The following ASB4 variants were observed in gnomAD, a reference collection of about 807,000 sequenced individuals.
ASB4 encodes ankyrin repeat and SOCS box containing 4.
In ASB4, 35 loss-of-function variants were observed where a neutral mutation model predicts 38.6. The observed-to-expected ratio is 0.91, with a 90% CI of 0.69 to 1.20. The LOEUF is 1.20. ASB4 is among the 50% of genes most tolerant of loss of function. The probability of loss-of-function intolerance (pLI) is 0.00; values close to 1 mark genes in which losing one functional copy is unlikely to be tolerated. For missense variants in ASB4, 557 were observed against 527.2 expected, an observed-to-expected ratio of 1.06 and a Z score of -0.55; for synonymous variants, 195 against 201.3, an observed-to-expected ratio of 0.97 and a Z score of 0.26.
At chr7:95,484,637 G>A (rs1207666697), upstream of ASB4, among the ~76,000 whole-genome samples, 3 of 152,106 alleles carry the variant, frequency 2.0e-5, no homozygotes, top group Non-Finnish European at 2.9e-5. Context: ...TAGTATCATT[G>A]TAAGTTTTTA....
chr7:95,550,126 T>C, the ASB4 span, among the ~76,000 whole-genome samples: 1 of 152,138 alleles, frequency 6.6e-6, no homozygotes, highest in Admixed American at 6.5e-5. Flanking sequence ...ACATCCAGGT[T>C]CCCTAAAAAT....
At chr7:95,504,473 G>A (rs1251703332) in intron 2 of ASB4, among the ~76,000 whole-genome samples, 4 of 152,170 alleles carry the variant, frequency 2.6e-5, no homozygotes, top group South Asian at 4.2e-4. Flanking sequence ...CCACCTCACC[G>A]CGTTCCATCT....
At chr7:95,489,401 G>A (rs1240118081) in intron 1 of ASB4, among the ~76,000 whole-genome samples, 2 of 152,186 alleles carry the variant, frequency 1.3e-5, no homozygotes, top group African/African-American at 4.8e-5. Flanking sequence ...CCAGCCTCCA[G>A]AGTTCATGTT....
At position 95,495,757 on chromosome 7, in the gene ASB4, G is replaced by A; in HGVS notation, c.188-1G>A. The A allele has an allele frequency of 6.6e-7, 1 of 1,511,366 alleles. No homozygotes were observed. Among genetic ancestry groups the A allele is most frequent in the Non-Finnish European group, 8.9e-7 (1 of 1,119,750 alleles). The allele number at this position is 1,511,366 out of a possible 1,614,324, so 93.6% of individuals were successfully genotyped here. A position where few individuals can be genotyped will look rare whatever the true frequency, so the allele number is the denominator to read the frequency against. ...CTTTTCCTTTTTTTTTTTTTTTTCA[G>A]GTTACTGGTTGCCTAGCTATAAATT... On this transcript the variant is annotated splice_acceptor_variant, in intron 1 of 4. Coordinates refer to ENST00000325885, the MANE Select transcript of ASB4 (RefSeq NM_016116.3). LOFTEE classifies it high-confidence loss of function.
rs140190777 is a variant in ASB4 at position 95,533,696 on chromosome 7, A to G, written c.979-2741A>G. 1.5e-4 allele frequency among the ~76,000 whole-genome samples: 23 copies of G among 152,274 alleles called. No individual in the cohort carries two copies. The East Asian group carries it at 4.2e-3, about 28-fold the overall frequency. On this transcript the variant is annotated intron_variant, in intron 3 of 4. Coordinates refer to ENST00000325885, the MANE Select transcript of ASB4 (RefSeq NM_016116.3). The stretch of plus-strand genomic sequence containing the variant: ...CCTGACTCTACCATTTCCTAGCTAA[A>G]AGACCCAGAGGTTAAATTTTCTCAG...
intron 2 of ASB4, among the ~76,000 whole-genome samples, chr7:95,500,294 C>T (rs1047751118): frequency 1.2e-4 from 19 of 152,026 alleles, no homozygotes; most frequent in African/African-American, 4.3e-4. Context: ...GGCTAGGAGC[C>T]GTGGCTTATG....
intron 2 of ASB4, among the ~76,000 whole-genome samples, chr7:95,522,611 G>C (rs10244306): frequency 0.034 from 5,200 of 152,190 alleles, 109 homozygotes; most frequent in Middle Eastern, 0.075. Context: ...TGTCTGGAAG[G>C]GTTGGGAAGC....
downstream of ASB4, chr7:95,542,845 C>A (rs1790988909): frequency 1.3e-5 from 2 of 152,166 alleles, no homozygotes; most frequent in Admixed American, 1.3e-4. Context: ...TATTGGATAA[C>A]CACTCTGCAA....
rs1562817001 is a variant in ASB4, at chr7:95,515,215, TTCTTTCTTTCTTTCTTTTTC to T, written c.488-12596_488-12577del. Among the ~76,000 whole-genome samples the T allele has an allele frequency of 6.6e-3, 875 of 132,368 alleles. 11 individuals carry two copies. Among genetic ancestry groups the T allele is most frequent in the African/African-American group, 0.025 (784 of 31,458 alleles). 86.8% of individuals were successfully genotyped at this position (132,368 alleles called of 152,430 possible). A position where few individuals can be genotyped will look rare whatever the true frequency, so the allele number is the denominator to read the frequency against. ...TTTCTTTCTTTCTTTCTTTCTTTCT[TTCTTTCTTTCTTTCTTTTTC>T]TTTCTTTCTTTCTTTCCTTCTTTCT... On this transcript the variant is annotated intron_variant, in intron 2 of 4. Coordinates refer to ENST00000325885, the MANE Select transcript of ASB4 (RefSeq NM_016116.3).
chr7:95,504,506 T>A (rs1330392372), intron 2 of ASB4, among the ~76,000 whole-genome samples: 1 of 152,190 alleles, frequency 6.6e-6, no homozygotes, highest in Non-Finnish European at 1.5e-5. Context: ...CGTTATACAT[T>A]GTAATAGCAT....
chr7:95,530,842 G>T (rs1790811007), intron 3 of ASB4, among the ~76,000 whole-genome samples: 1 of 152,078 alleles, frequency 6.6e-6, no homozygotes, highest in African/African-American at 2.4e-5. Flanking sequence ...TGAGTGGGGG[G>T]CTGGCAAATT....
At chr7:95,516,512 T>C (rs1426502264) in intron 2 of ASB4, among the ~76,000 whole-genome samples, 1 of 152,208 alleles carries the variant, frequency 6.6e-6, no homozygotes, top group Non-Finnish European at 1.5e-5. Context: ...GAAAAAAATG[T>C]GTCTCCCAAA....
chr7:95,498,151 G>T (rs1790278023), intron 2 of ASB4, among the ~76,000 whole-genome samples: 1 of 152,138 alleles, frequency 6.6e-6, no homozygotes, highest in Admixed American at 6.5e-5. Context: ...AATTCCAGTT[G>T]CTTGGCAGAA....
chr7:95,483,234 C>T (rs997297864), upstream of ASB4, among the ~76,000 whole-genome samples: 97 of 152,146 alleles, frequency 6.4e-4, no homozygotes, highest in African/African-American at 2.2e-3. Flanking sequence ...CATGAGGTCT[C>T]GTAAGCTGCA....
In ASB4 at chr7:95,539,453, A is replaced by G. The variant is rs915612120; in HGVS notation, c.*1694A>G. On this transcript the variant is annotated 3_prime_UTR_variant, in exon 5 of 5. Transcript: ENST00000325885. ...GATATTTTGTACTAAAACAAGATCT[A>G]TATCATGGAATAGAATGCTGAATTT... 5.9e-5 allele frequency: 9 copies of G among 152,236 alleles called. No individual in the cohort carries two copies. Among genetic ancestry groups the G allele is most frequent in the African/African-American group, 2.2e-4 (9 of 41,460 alleles). The allele number at this position is 152,236 out of a possible 1,614,324, so 9.4% of individuals were successfully genotyped here. A position where few individuals can be genotyped will look rare whatever the true frequency, so the allele number is the denominator to read the frequency against.
At chr7:95,508,941 T>C (rs1013002421) in intron 2 of ASB4, among the ~76,000 whole-genome samples, 1 of 152,170 alleles carries the variant, frequency 6.6e-6, no homozygotes, top group Non-Finnish European at 1.5e-5. Context: ...CAGTGATTTC[T>C]GGAGACAGAT....
At chr7:95,474,986 T>C (rs1789962567), upstream of ASB4, among the ~76,000 whole-genome samples, 1 of 152,216 alleles carries the variant, frequency 6.6e-6, no homozygotes, top group Non-Finnish European at 1.5e-5. Context: ...TTTTGCAATA[T>C]GATCCTTAGG....
chr7:95,488,780 A>T (rs1790130489), intron 1 of ASB4, among the ~76,000 whole-genome samples: 1 of 152,244 alleles, frequency 6.6e-6, no homozygotes, highest in South Asian at 2.1e-4. Context: ...TTTTCACAAA[A>T]TAACAAACCT....
At chr7:95,541,002 T>C (rs7782437), downstream of ASB4, among the ~76,000 whole-genome samples, 20,448 of 152,222 alleles carry the variant, frequency 0.13, 1,479 homozygotes, top group African/African-American at 0.15. Context: ...TTCCAAACTT[T>C]TACAAATGAA....
Sources: allele counts gnomAD v4.1 joint callset (sites outside exome capture counted in the v4.1 genomes callset), GRCh38; gene constraint gnomAD v4.1.1; transcripts MANE v1.5; gene names NCBI Gene and HGNC (gene_info 2026-07-23, HGNC 2026-07-21).